Variants in PTPRR observed in about 807,000 individuals in gnomAD.
PTPRR encodes protein tyrosine phosphatase receptor type R, also known as receptor-type tyrosine-protein phosphatase R.
A neutral mutation model predicts 77.2 loss-of-function variants in PTPRR; 38 were observed. That is an observed-to-expected ratio of 0.49 (90% CI 0.38 to 0.65). PTPRR has a LOEUF of 0.65. PTPRR is among the 30% of genes least tolerant of loss of function. PTPRR has a pLI of 0.00. For missense variants in PTPRR, 744 were observed against 799.2 expected, an observed-to-expected ratio of 0.93 and a Z score of 0.83; for synonymous variants, 299 against 283.1, an observed-to-expected ratio of 1.06 and a Z score of -0.57.
At chr12:70,714,151 G>T (rs1164697032) in intron 6 of PTPRR, among the ~76,000 whole-genome samples, 1 of 151,942 alleles carries the variant, frequency 6.6e-6, no homozygotes, top group Non-Finnish European at 1.5e-5. Context: ...AAATAATGTG[G>T]TTACTGTTCT....
chr12:70,753,868 A>T lies in PTPRR; in HGVS notation c.738+323T>A, dbSNP rs1044437769. Among the ~76,000 whole-genome samples the T allele has an allele frequency of 2.0e-5, 3 of 152,250 alleles. No homozygotes were observed. The South Asian group carries it at 6.2e-4, about 32-fold the overall frequency. On this transcript the variant is annotated intron_variant, in intron 5 of 13. Transcript: ENST00000283228. ...TAAAAGGAGAAATAAAGTAAACCCAAAGTGTGCCCGTGAGACTTTACTGAC... is the reference window on the plus strand; with the variant it reads ...TAAAAGGAGAAATAAAGTAAACCCATAGTGTGCCCGTGAGACTTTACTGAC...
chr12:70,841,177 C>A (rs889512522), intron 2 of PTPRR, among the ~76,000 whole-genome samples: 2 of 151,810 alleles, frequency 1.3e-5, no homozygotes. Flanking sequence ...AATCAGACTC[C>A]ACTCTACCCT....
intron 6 of PTPRR, among the ~76,000 whole-genome samples, chr12:70,737,486 A>ATATC (rs10643938): frequency 0.33 from 47,986 of 143,954 alleles, 8,099 homozygotes; most frequent in East Asian, 0.39. Context: ...TATTTAATGA[A>ATATC]TATCTATCTA....
chr12:70,808,188 A>T lies in PTPRR; in HGVS notation c.358-43410T>A, dbSNP rs1466150585. On this transcript the variant is annotated intron_variant, in intron 2 of 13. Coordinates refer to ENST00000283228, the MANE Select transcript of PTPRR (RefSeq NM_002849.4). ...CTGCAGCACCCCCAGGCTTGCTAGG[A>T]TTAGGAAATTCCAGCCTGGCAAATT... Among the ~76,000 whole-genome samples the T allele has an allele frequency of 5.9e-5, 9 of 152,086 alleles. No homozygotes were observed. The South Asian group carries it at 1.9e-3, about 32-fold the overall frequency.
rs375551538 is a variant in PTPRR, at chr12:70,691,023, T to TA, written c.1280-6241dup. Reference sequence around the variant, plus strand: ...TGATTTAAAGATCTCTTCTATTTTTTAAAAAAAGGTCAGTTCTATATATCC... The same window carrying TA: ...TGATTTAAAGATCTCTTCTATTTTTTAAAAAAAAGGTCAGTTCTATATATCC... On this transcript the variant is annotated intron_variant, in intron 8 of 13. Transcript: ENST00000283228. Among the ~76,000 whole-genome samples, 508 of 152,248 alleles carry TA rather than the reference T, an allele frequency of 3.3e-3. 3 individuals are homozygous for TA. Among genetic ancestry groups the TA allele is most frequent in the African/African-American group, 0.011 (461 of 41,550 alleles).
chr12:70,781,169 T>C (rs1891195492), intron 2 of PTPRR, among the ~76,000 whole-genome samples: 1 of 152,224 alleles, frequency 6.6e-6, no homozygotes, highest in Non-Finnish European at 1.5e-5. Flanking sequence ...TGCTATGTCT[T>C]GGTCCACTAA....
At chr12:70,780,203 G>A (rs1157442235) in intron 2 of PTPRR, among the ~76,000 whole-genome samples, 1 of 152,126 alleles carries the variant, frequency 6.6e-6, no homozygotes, top group Non-Finnish European at 1.5e-5. Context: ...TGTTGGCCAG[G>A]ATGGTCTTGA....
At chr12:70,782,345 A>G (rs1891220573) in intron 2 of PTPRR, among the ~76,000 whole-genome samples, 1 of 152,126 alleles carries the variant, frequency 6.6e-6, no homozygotes, top group Non-Finnish European at 1.5e-5. Context: ...CTGGGTATAT[A>G]CCCAAAGGAT....
chr12:70,899,969 A>C (rs1203554909), intron 1 of PTPRR, among the ~76,000 whole-genome samples: 2 of 151,552 alleles, frequency 1.3e-5, no homozygotes, highest in Non-Finnish European at 3.0e-5. Flanking sequence ...ATCTAACAGA[A>C]CATGTGCAAG....
At chr12:70,753,864 C>T (rs1166288349) in intron 5 of PTPRR, among the ~76,000 whole-genome samples, 1 of 152,104 alleles carries the variant, frequency 6.6e-6, no homozygotes, top group African/African-American at 2.4e-5. Flanking sequence ...ATAAAGTAAA[C>T]CCAAAGTGTG....
chr12:70,770,295 A>G (rs536589112), intron 2 of PTPRR, among the ~76,000 whole-genome samples: 4,458 of 151,982 alleles, frequency 0.029, 214 homozygotes, highest in African/African-American at 0.1. Context: ...TCTACAATGA[A>G]CTCAAAGAAA....
intron 6 of PTPRR, among the ~76,000 whole-genome samples, chr12:70,740,188 T>A (rs1293372837): frequency 1.3e-5 from 2 of 152,110 alleles, no homozygotes; most frequent in Admixed American, 6.5e-5. Flanking sequence ...CATATATTAG[T>A]CCTAATATCA....
chr12:70,754,134 A>G, intron 5 of PTPRR, 57 bp downstream of exon 5: 2 of 1,511,792 alleles, frequency 1.3e-6, no homozygotes, highest in Non-Finnish European at 1.8e-6. Context: ...CAATGTACCC[A>G]CTAATATCAA....
intron 2 of PTPRR, among the ~76,000 whole-genome samples, chr12:70,802,101 C>T (rs1439336524): frequency 6.6e-6 from 1 of 152,024 alleles, no homozygotes; most frequent in African/African-American, 2.4e-5. Flanking sequence ...TAATTGTCAC[C>T]CTCTACTTTA....
At position 70,658,883 on chromosome 12, in the gene PTPRR, G is replaced by GTTTTTTTTTTTTTTTT. The variant is rs746595856; in HGVS notation, c.1766+2041_1766+2056dup. On this transcript the variant is annotated intron_variant, in intron 12 of 13. Coordinates refer to ENST00000283228, the MANE Select transcript of PTPRR (RefSeq NM_002849.4). ...TTCAACGTTAGGGACTTTTGCTCTAGTTTTTTTTTTTTTTTTTTTTTTTTT... is the reference window on the plus strand; with the variant it reads ...TTCAACGTTAGGGACTTTTGCTCTAGTTTTTTTTTTTTTTTTTTTTTTTTTTTTTTTTTTTTTTTTT... 5.4e-4 allele frequency among the ~76,000 whole-genome samples: 20 copies of GTTTTTTTTTTTTTTTT among 36,936 alleles called. 4 individuals carry two copies. Among genetic ancestry groups the GTTTTTTTTTTTTTTTT allele is most frequent in the South Asian group, 2.5e-3 (2 of 806 alleles). 24.2% of individuals were successfully genotyped at this position (36,936 alleles called of 152,430 possible). A position where few individuals can be genotyped will look rare whatever the true frequency, so the allele number is the denominator to read the frequency against.
At chr12:70,678,522 G>A (rs538609764) in intron 10 of PTPRR, among the ~76,000 whole-genome samples, 23 of 151,980 alleles carry the variant, frequency 1.5e-4, no homozygotes, top group Non-Finnish European at 3.1e-4. Context: ...TTGCATTTCT[G>A]TGGCATCTAA....
intron 1 of PTPRR, among the ~76,000 whole-genome samples, chr12:70,919,673 G>GTTTTTTTTTTTTTTTTTTTTTT (rs58439089): frequency 9.1e-6 from 1 of 110,084 alleles, no homozygotes; most frequent in Non-Finnish European, 1.9e-5. Context: ...AACTGTAATT[G>GTTTTTTTTTTTTTTTTTTTTTT]TTTTTTTTTT....
chr12:70,799,646 C>G (rs1001261941), intron 2 of PTPRR, among the ~76,000 whole-genome samples: 18 of 152,046 alleles, frequency 1.2e-4, no homozygotes, highest in Non-Finnish European at 1.9e-4. Context: ...AAAGTCAATT[C>G]TTTCTTGGAA....
chr12:70,768,746 T>G (rs1025363146), intron 2 of PTPRR, among the ~76,000 whole-genome samples: 20 of 152,088 alleles, frequency 1.3e-4, no homozygotes, highest in Admixed American at 1.1e-3. Flanking sequence ...TGAACATTGA[T>G]GCAAAAATCC....
Sources: gnomAD v4.1 joint callset for allele counts (sites outside exome capture counted in the v4.1 genomes callset) on GRCh38, gnomAD v4.1.1 for gene constraint, MANE v1.5 for transcripts, NCBI Gene and HGNC (gene_info 2026-07-23, HGNC 2026-07-21) for gene names.